Variants in MACF1 observed in about 807,000 individuals in gnomAD.
The protein encoded by MACF1 is microtubule-actin cross-linking factor 1.
Under a neutral mutation model 854.8 loss-of-function variants are expected in MACF1, and 193 were observed. The observed-to-expected ratio is 0.23, with a 90% CI of 0.20 to 0.25. MACF1 has a LOEUF of 0.25. Ranked by LOEUF, MACF1 falls within the 10% of genes least tolerant of loss-of-function variation. The pLI is 1.00. For synonymous variants in MACF1, 3,185 were observed against 3,226.7 expected (o/e 0.99, Z 0.44); for missense variants, 7,722 against 8,929.1 (o/e 0.86, Z 5.45).
chr1:39,136,655 T>C (rs1410429105), intron 2 of MACF1, among the ~76,000 whole-genome samples: 1 of 152,156 alleles, frequency 6.6e-6, no homozygotes, highest in African/African-American at 2.4e-5. Flanking sequence ...CAGTTGTCTC[T>C]CAGAAGCTAC....
intron 26 of MACF1, 68 bp from the exon 27 acceptor site, chr1:39,315,445 T>A: frequency 1.4e-6 from 2 of 1,457,374 alleles, no homozygotes; most frequent in Non-Finnish European, 1.9e-6. Flanking sequence ...CTATTACAAA[T>A]GTGGACTTCT....
intron 95 of MACF1, among the ~76,000 whole-genome samples, chr1:39,466,742 C>T (rs1341140757): frequency 1.3e-5 from 2 of 152,202 alleles, no homozygotes; most frequent in Non-Finnish European, 2.9e-5. Flanking sequence ...CAGGACAGGA[C>T]GTGTATTCTC....
chr1:39,084,497 G>A lies in MACF1; in HGVS notation c.220+59G>A. On this transcript the variant is annotated intron_variant, in intron 2 of 93. Transcript: ENST00000361689. This position sits in a 1 kb window ranked among gnomAD's most constrained non-coding sequence, Gnocchi z 5.2. ...GGGTGTGAGGGAGGAATGGGCCAGG[G>A]CACAGCAGCTGTGTGGGGAGCCGAG... 6.8e-7 allele frequency: 1 copy of A among 1,477,094 alleles called. No homozygotes were observed. The highest frequency in any genetic ancestry group is 9.2e-7 in the Non-Finnish European group (1 of 1,085,220). The allele number at this position is 1,477,094 out of a possible 1,614,324, so 91.5% of individuals were successfully genotyped here. A position where few individuals can be genotyped will look rare whatever the true frequency, so the allele number is the denominator to read the frequency against.
intron 58 of MACF1, among the ~76,000 whole-genome samples, chr1:39,420,864 ATTTTT>A (rs922511626): frequency 2.3e-5 from 3 of 133,270 alleles, no homozygotes; most frequent in African/African-American, 5.9e-5. Context: ...GAGAAACCCA[ATTTTT>A]TTTTTTTTTT....
intron 35 of MACF1, among the ~76,000 whole-genome samples, chr1:39,326,571 C>T (rs1646615796): frequency 6.6e-6 from 1 of 150,442 alleles, no homozygotes; most frequent in Non-Finnish European, 1.5e-5. Context: ...ATCCCAGCTA[C>T]TCGGGAGGCT....
At chr1:39,448,210 T>C (rs1290706160) in intron 83 of MACF1, 58 bp downstream of exon 83, 50 of 1,534,176 alleles carry the variant, frequency 3.3e-5, no homozygotes, top group Non-Finnish European at 4.3e-5. Flanking sequence ...AGCTTGTATC[T>C]TGCCAAAAAT....
intron 6 of MACF1, among the ~76,000 whole-genome samples, chr1:39,281,021 G>T (rs1426281456): frequency 3.9e-5 from 6 of 152,176 alleles, no homozygotes; most frequent in Admixed American, 3.9e-4. Flanking sequence ...GTTTGGGTTA[G>T]GTGCTTTAAT....
At chr1:39,388,754 GT>G in intron 58 of MACF1, 96 bp downstream of exon 58, 1 of 1,163,710 alleles carries the variant, frequency 8.6e-7, no homozygotes, top group Non-Finnish European at 1.2e-6. Context: ...TCTGTCCCTA[GT>G]TTTATTATTG....
chr1:39,120,298 A>G (rs1364341269), intron 2 of MACF1, among the ~76,000 whole-genome samples: 2 of 152,092 alleles, frequency 1.3e-5, no homozygotes, highest in Non-Finnish European at 2.9e-5. Flanking sequence ...TTATAATTCT[A>G]CTTCACCTGA....
intron 58 of MACF1, among the ~76,000 whole-genome samples, chr1:39,416,142 T>A (rs568320791): frequency 1.3e-5 from 2 of 152,310 alleles, no homozygotes; most frequent in Admixed American, 1.3e-4. Flanking sequence ...TAAGATAATC[T>A]GGCCTTGCTG....
intron 2 of MACF1, among the ~76,000 whole-genome samples, chr1:39,249,457 A>G (rs1357457058): frequency 1.3e-5 from 2 of 152,238 alleles, no homozygotes; most frequent in African/African-American, 4.8e-5. Flanking sequence ...CTTTCTCCCA[A>G]AGTGAGATCT....
At position 39,382,147 on chromosome 1, in the gene MACF1, G is replaced by A. The variant is rs1164487528; in HGVS notation, c.13843G>A (p.Val4615Ile). ...CATGTTGAATGCACAAAAGCAACAG[G>A]TCCAGGTGAGCAATATAGCAACAAA... The part of the protein sequence containing the change: ...PNMLNAQKQQ[V>I]QFMLKEFEAR... The change falls in exon 56 of 101, where the codon GTC becomes ATC. Residue 4615 changes from valine to isoleucine, a missense_variant. Transcript: ENST00000564288. 1 of 1,613,354 alleles carries A rather than the reference G, an allele frequency of 6.2e-7. No individual in the cohort carries two copies. The highest frequency in any genetic ancestry group is 1.1e-5 in the South Asian group (1 of 91,066).
intron 41 of MACF1, among the ~76,000 whole-genome samples, chr1:39,349,162 T>C (rs957037428): frequency 1.3e-5 from 2 of 152,136 alleles, no homozygotes; most frequent in African/African-American, 4.8e-5. Context: ...ATGTGTGGAT[T>C]TCAAGCATCT....
chr1:39,310,539 T>C lies in MACF1; in HGVS notation c.3100+111T>C, dbSNP rs1372708555. ...AGTAACATCACCACTTTTTTCCATTTGAGTAGCTACGAACTTGAGATAGAG... is the reference window on the plus strand; with the variant it reads ...AGTAACATCACCACTTTTTTCCATTCGAGTAGCTACGAACTTGAGATAGAG... On this transcript the variant is annotated intron_variant, in intron 25 of 100. Transcript: ENST00000564288. 9 of 1,184,022 alleles carry C rather than the reference T, an allele frequency of 7.6e-6. No individual in the cohort carries two copies. The African/African-American group carries it at 1.2e-4, about 16-fold the overall frequency. 73.3% of individuals were successfully genotyped at this position (1,184,022 alleles called of 1,614,324 possible).
chr1:39,317,785 C>T (rs12409249), intron 29 of MACF1, among the ~76,000 whole-genome samples: 7,848 of 152,192 alleles, frequency 0.052, 272 homozygotes, highest in Admixed American at 0.075. Context: ...GAATTTCTTG[C>T]TTTCATCTCA....
intron 96 of MACF1, among the ~76,000 whole-genome samples, chr1:39,469,206 T>C (rs1039628216): frequency 6.6e-6 from 1 of 152,102 alleles, no homozygotes; most frequent in African/African-American, 2.4e-5. Flanking sequence ...CCCATTCACT[T>C]CTAAGACAGG....
chr1:39,464,661 A>C (rs1485834821), intron 94 of MACF1: 2 of 163,832 alleles, frequency 1.2e-5, no homozygotes, highest in African/African-American at 4.8e-5. Flanking sequence ...TAATTCCAGA[A>C]TTTTGGAAGG....
intron 2 of MACF1, among the ~76,000 whole-genome samples, chr1:39,118,499 T>TAATA (rs1182789882): frequency 6.6e-6 from 1 of 152,234 alleles, no homozygotes; most frequent in Non-Finnish European, 1.5e-5. Context: ...CTGCCTTTAT[T>TAATA]AGGAAGAATG....
At chr1:39,470,892 C>G (rs988915174) in intron 97 of MACF1, among the ~76,000 whole-genome samples, 2 of 152,106 alleles carry the variant, frequency 1.3e-5, no homozygotes, top group Admixed American at 6.5e-5. Context: ...TATTTGCTGC[C>G]TGCTCTATTT....
Sources: allele counts gnomAD v4.1 joint callset (sites outside exome capture counted in the v4.1 genomes callset), GRCh38; gene constraint gnomAD v4.1.1; non-coding constraint Gnocchi (gnomAD v3.1); transcripts MANE v1.5; gene names NCBI Gene and HGNC (gene_info 2026-07-23, HGNC 2026-07-21).